Variants in ACTA2 observed in about 807,000 individuals in gnomAD.
ACTA2 encodes actin, aortic smooth muscle.
ACTA2 carries 12 observed loss-of-function variants against 39.5 expected under a neutral mutation model. The ratio of observed to expected loss-of-function variants is 0.30; its 90% CI spans 0.19 to 0.49. The LOEUF is 0.49. Ranked by LOEUF, ACTA2 falls within the 20% of genes least tolerant of loss-of-function variation. ACTA2 has a pLI of 0.99. For missense variants in ACTA2, 236 were observed against 498.8 expected (o/e 0.47, Z 5.02); for synonymous variants, 158 against 180.6 (o/e 0.88, Z 1.00).
At chr10:88,964,545 A>G (rs1418294221) in intron 1 of ACTA2, among the ~76,000 whole-genome samples, 1 of 152,188 alleles carries the variant, frequency 6.6e-6, no homozygotes, top group African/African-American at 2.4e-5. Flanking sequence ...GCCTAAGGTC[A>G]TCCCTGGTGA....
At chr10:88,939,904 A>G (rs1845816811) in intron 6 of ACTA2, 1 of 605,682 alleles carries the variant, frequency 1.7e-6, no homozygotes, top group Non-Finnish European at 3.0e-6. Flanking sequence ...TGTCTCATGC[A>G]TAGTAGGCCC....
chr10:88,952,027 T>G (rs1846059092), intron 1 of ACTA2, among the ~76,000 whole-genome samples: 1 of 152,178 alleles, frequency 6.6e-6, no homozygotes, highest in South Asian at 2.1e-4. Flanking sequence ...CACACACAGC[T>G]GTCAGATGCA....
upstream of ACTA2, among the ~76,000 whole-genome samples, chr10:88,955,615 TTGAC>T (rs1846125627): frequency 6.6e-6 from 1 of 152,210 alleles, no homozygotes; most frequent in Non-Finnish European, 1.5e-5. Context: ...TATGGGAAAT[TTGAC>T]TGGACACTTT....
In ACTA2 at chr10:88,943,899, G is replaced by A; in HGVS notation, c.267C>T (p.His89=). 3.1e-6 allele frequency: 5 copies of A among 1,613,910 alleles called. No individual in the cohort carries two copies. Among genetic ancestry groups the A allele is most frequent in the Non-Finnish European group, 3.4e-6 (4 of 1,179,860 alleles). ...CACGAAGCTCATTGTAGAAAGAGTG[G>A]TGCCAGATCTAGTGAGTTGGGGGAC... ...TNWDDMEKIW[H]HSFYNELRVA... The change falls in exon 4 of 9, where the codon CAC becomes CAT. Residue 89 remains histidine, a synonymous_variant. Transcript: ENST00000224784.
At chr10:88,960,885 T>C (rs1373310413) in intron 1 of ACTA2, among the ~76,000 whole-genome samples, 1 of 152,222 alleles carries the variant, frequency 6.6e-6, no homozygotes, top group East Asian at 1.9e-4. Context: ...ACAGAAAGTC[T>C]CTGTTCTCTG....
chr10:88,942,536 A>T (rs953112696), intron 4 of ACTA2, among the ~76,000 whole-genome samples: 1 of 152,152 alleles, frequency 6.6e-6, no homozygotes, highest in Non-Finnish European at 1.5e-5. Flanking sequence ...GACCAGCCCA[A>T]TGGTAATAGA....
chr10:88,973,433 C>A, intron 1 of ACTA2: 1 of 1,130,500 alleles, frequency 8.8e-7, no homozygotes, highest in Non-Finnish European at 1.2e-6. Context: ...TAGCCATTAT[C>A]TCTGCCTTTC....
At chr10:88,989,314 C>G (rs1847027219) in intron 1 of ACTA2, among the ~76,000 whole-genome samples, 1 of 152,058 alleles carries the variant, frequency 6.6e-6, no homozygotes, top group African/African-American at 2.4e-5. Context: ...CCTTTCCTTC[C>G]CTCACACCCC....
rs759114503 is a variant in ACTA2, at chr10:88,964,764, A to C, written c.-23-15811T>G. 1.9e-4 allele frequency among the ~76,000 whole-genome samples: 29 copies of C among 152,142 alleles called. 1 individual carries two copies. The highest frequency in any genetic ancestry group is 3.4e-4 in the Non-Finnish European group (23 of 68,022). ...AGCAAAAAGTATCTACATATCTTGT[A>C]CCAACTGGTCTCCTTCCCTGTTTGC... is the stretch of plus-strand genomic sequence containing the variant. On this transcript the variant is annotated intron_variant, in intron 1 of 4. Transcript: ENST00000415557.
Position 88,943,978 on chromosome 10 carries a change from G to A in ACTA2, c.259-71C>T, listed in dbSNP as rs574612195. On this transcript the variant is annotated intron_variant, in intron 3 of 8. Transcript: ENST00000224784. Reference sequence around the variant, plus strand: ...TGAGGTCCTGCATTTCCCAAAAAGGGACCAGAAGCTACTTGAAACCAAGAC... The same window carrying A: ...TGAGGTCCTGCATTTCCCAAAAAGGAACCAGAAGCTACTTGAAACCAAGAC... 53 of 1,402,148 alleles carry A rather than the reference G, an allele frequency of 3.8e-5. No individual in the cohort carries two copies. The East Asian group carries it at 1.1e-3, about 30-fold the overall frequency. 86.9% of individuals were successfully genotyped at this position (1,402,148 alleles called of 1,614,324 possible). A position where few individuals can be genotyped will look rare whatever the true frequency, so the allele number is the denominator to read the frequency against.
chr10:88,982,681 T>C (rs371666744), intron 1 of ACTA2, among the ~76,000 whole-genome samples: 3 of 152,178 alleles, frequency 2.0e-5, no homozygotes, highest in African/African-American at 7.2e-5. Flanking sequence ...TTTTTCTTGA[T>C]AGGAAAATGT....
At chr10:88,977,615 A>C (rs1352713757) in intron 1 of ACTA2, among the ~76,000 whole-genome samples, 2 of 151,974 alleles carry the variant, frequency 1.3e-5, no homozygotes, top group African/African-American at 4.8e-5. Flanking sequence ...TCTCAAAAGA[A>C]GACATTTATG....
At chr10:88,960,076 AT>A (rs1846202253) in intron 1 of ACTA2, among the ~76,000 whole-genome samples, 1 of 152,094 alleles carries the variant, frequency 6.6e-6, no homozygotes, top group Admixed American at 6.6e-5. Context: ...CTGTAAAATT[AT>A]TTTTCTGTCA....
chr10:88,988,769 A>C (rs189078506), intron 1 of ACTA2, among the ~76,000 whole-genome samples: 8 of 152,342 alleles, frequency 5.3e-5, no homozygotes, highest in Admixed American at 5.2e-4. Flanking sequence ...AAAGGATTCC[A>C]AAGGCAAAGA....
At chr10:88,987,018 GATTACCT>G (rs988307100) in intron 1 of ACTA2, among the ~76,000 whole-genome samples, 27 of 152,290 alleles carry the variant, frequency 1.8e-4, no homozygotes, top group African/African-American at 6.3e-4. Flanking sequence ...TAGATTCACA[GATTACCT>G]ATCCAAATCT....
At chr10:88,978,441 T>C (rs1249472060) in intron 1 of ACTA2, among the ~76,000 whole-genome samples, 2 of 152,222 alleles carry the variant, frequency 1.3e-5, no homozygotes, top group African/African-American at 4.8e-5. Flanking sequence ...AGATAAGCTC[T>C]TGACTGTCCT....
intron 1 of ACTA2, among the ~76,000 whole-genome samples, chr10:88,971,000 A>G (rs991111962): frequency 6.6e-6 from 1 of 152,206 alleles, no homozygotes; most frequent in Admixed American, 6.5e-5. Context: ...GCCCAAAGGC[A>G]ATAAATAAAA....
chr10:88,988,855 C>A (rs1926198), intron 1 of ACTA2, among the ~76,000 whole-genome samples: 150,716 of 152,278 alleles, frequency 0.99, 74,590 homozygotes, highest in East Asian at 1. Flanking sequence ...GTTTTGGATT[C>A]AGAAAGTTTT....
intron 5 of ACTA2, 147 bp from the exon 6 acceptor site, chr10:88,941,537 G>T: frequency 9.4e-7 from 1 of 1,061,076 alleles, no homozygotes; most frequent in Non-Finnish European, 1.4e-6. Flanking sequence ...GAGAGGTGAG[G>T]TGGGACAGGG....
Sources: allele counts gnomAD v4.1 joint callset (sites outside exome capture counted in the v4.1 genomes callset), GRCh38; gene constraint gnomAD v4.1.1; transcripts MANE v1.5; gene names NCBI Gene and HGNC (gene_info 2026-07-23, HGNC 2026-07-21).